The following TEX11 variants were observed in gnomAD, a reference collection of about 807,000 sequenced individuals.
TEX11 encodes testis expressed 11.
TEX11 carries 7 observed loss-of-function variants against 84.4 expected under a neutral mutation model. The observed-to-expected ratio is 0.08, with a 90% CI of 0.05 to 0.16. The LOEUF (loss-of-function observed/expected upper bound fraction) is 0.16, where lower values mean the gene tolerates loss of function less well. Among genes scored for constraint, TEX11 ranks in the 10% least tolerant of loss-of-function variants. The pLI, the probability that TEX11 is intolerant of heterozygous loss-of-function variation, is 1.00. For synonymous variants in TEX11, 264 were observed against 222.8 expected, an observed-to-expected ratio of 1.18 and a Z score of -1.64; for missense variants, 551 against 660.5, an observed-to-expected ratio of 0.83 and a Z score of 1.82.
chrX:70,836,445 T>C (rs1305934417), intron 7 of TEX11, among the ~76,000 whole-genome samples: 1 of 111,849 alleles, frequency 8.9e-6, no homozygotes, highest in Non-Finnish European at 1.9e-5. Flanking sequence ...ATCTAGAATA[T>C]ATAAATAATC....
intron 17 of TEX11, among the ~76,000 whole-genome samples, chrX:70,633,452 T>A (rs1007393523): frequency 8.9e-6 from 1 of 111,999 alleles, no homozygotes; most frequent in Non-Finnish European, 1.9e-5. Context: ...GAAGACTGAA[T>A]GCTTTCCCCC....
At chrX:70,610,049 T>C (rs2089240425) in intron 21 of TEX11, among the ~76,000 whole-genome samples, 1 of 108,126 alleles carries the variant, frequency 9.2e-6, no homozygotes, top group South Asian at 4.2e-4. Flanking sequence ...TTTTTATTTG[T>C]CTTGATCTTT....
At chrX:70,736,841 T>C (rs780215355) in intron 11 of TEX11, among the ~76,000 whole-genome samples, 1 of 111,554 alleles carries the variant, frequency 9.0e-6, no homozygotes, top group Admixed American at 9.6e-5. Context: ...AAGAAGGAAA[T>C]ATTTCATACT....
chrX:70,632,347 A>G (rs1244350071), intron 17 of TEX11, among the ~76,000 whole-genome samples: 1 of 111,457 alleles, frequency 9.0e-6, no homozygotes, highest in African/African-American at 3.3e-5. Flanking sequence ...TAAATTAAAT[A>G]GAAATCAGAT....
the TEX11 span, among the ~76,000 whole-genome samples, chrX:70,522,319 C>CAGGGTTGT: frequency 3.6e-5 from 4 of 111,966 alleles, no homozygotes; most frequent in East Asian, 1.1e-3. Flanking sequence ...ACCTACTTCA[C>CAGGGTTGT]AGGGTTGTTA....
intron 7 of TEX11, among the ~76,000 whole-genome samples, chrX:70,839,028 G>A (rs924786240): frequency 8.9e-6 from 1 of 112,707 alleles, no homozygotes; most frequent in African/African-American, 3.2e-5. Flanking sequence ...ACAGCTCAAG[G>A]AGGCCTGCCT....
At chrX:70,589,426 T>A (rs1334018534) in intron 25 of TEX11, among the ~76,000 whole-genome samples, 1 of 105,191 alleles carries the variant, frequency 9.5e-6, no homozygotes, top group Non-Finnish European at 2.0e-5. Flanking sequence ...TCTATCTCAC[T>A]ATATCTCTCT....
chrX:70,869,443 A>C (rs1055352027), intron 4 of TEX11, among the ~76,000 whole-genome samples: 1 of 111,324 alleles, frequency 9.0e-6, no homozygotes, highest in Non-Finnish European at 1.9e-5. Context: ...CATCTCCTTA[A>C]ATGTCCACAA....
chrX:70,733,557 C>T (rs1462608831), intron 11 of TEX11, among the ~76,000 whole-genome samples: 2 of 111,863 alleles, frequency 1.8e-5, no homozygotes, highest in African/African-American at 3.3e-5. Context: ...TGAAAAAATG[C>T]TCATCATCAT....
At chrX:70,522,735 G>C in the TEX11 span, among the ~76,000 whole-genome samples, 14 of 108,484 alleles carry the variant, frequency 1.3e-4, no homozygotes, top group African/African-American at 4.4e-4. Flanking sequence ...TAGAGACAGG[G>C]TTTCTCCATG....
chrX:70,898,343 G>C (rs917773011), intron 2 of TEX11, among the ~76,000 whole-genome samples: 1 of 112,290 alleles, frequency 8.9e-6, no homozygotes, highest in Non-Finnish European at 1.9e-5. Context: ...AGCAGGATAA[G>C]CTTCACTGAA....
intron 25 of TEX11, among the ~76,000 whole-genome samples, chrX:70,571,924 G>C (rs2088604896): frequency 1.8e-5 from 2 of 111,333 alleles, no homozygotes; most frequent in Admixed American, 1.9e-4. Context: ...TTCTGATCAG[G>C]AGACATTGTG....
intron 15 of TEX11, among the ~76,000 whole-genome samples, chrX:70,674,146 G>T: frequency 9.0e-6 from 1 of 111,478 alleles, no homozygotes; most frequent in South Asian, 3.8e-4. Flanking sequence ...GTGAAAACAT[G>T]CATTATTTGG....
intron 20 of TEX11, among the ~76,000 whole-genome samples, chrX:70,621,121 T>A (rs2089378507): frequency 9.0e-6 from 1 of 110,821 alleles, no homozygotes; most frequent in Admixed American, 9.7e-5. Context: ...ACTGTAGCAC[T>A]CTGGCGGGGA....
At chrX:70,748,964 A>C (rs944389593) in intron 9 of TEX11, among the ~76,000 whole-genome samples, 2 of 106,648 alleles carry the variant, frequency 1.9e-5, no homozygotes, top group African/African-American at 7.1e-5. Flanking sequence ...GAAGAAAGGC[A>C]TTGGTAGCTT....
chrX:70,791,631 CA>C (rs1357924588), intron 9 of TEX11, among the ~76,000 whole-genome samples: 1 of 111,716 alleles, frequency 9.0e-6, no homozygotes, highest in African/African-American at 3.3e-5. Flanking sequence ...TCAATGAATT[CA>C]AACAAACTGA....
Position 70,535,788 on chromosome X carries a change from A to G in TEX11, c.2521-5789T>C, listed in dbSNP as rs751355062. 3.8e-5 allele frequency among the ~76,000 whole-genome samples: 4 copies of G among 106,170 alleles called. No individual in the cohort carries two copies. The Admixed American group carries it at 4.0e-4, about 11-fold the overall frequency. The allele number at this position is 106,170 out of a possible 115,157, so 92.2% of individuals were successfully genotyped here. On this transcript the variant is annotated intron_variant, in intron 28 of 29. Coordinates refer to ENST00000374333, the MANE Select transcript of TEX11 (RefSeq NM_031276.3). The stretch of plus-strand genomic sequence containing the variant: ...AAACTTATGGGTTTTTTTTTTTTTC[A>G]TAGAGACAGAGTGTCACTTTATTGC...
At chrX:70,793,334 T>C (rs991392176) in intron 9 of TEX11, among the ~76,000 whole-genome samples, 2 of 111,350 alleles carry the variant, frequency 1.8e-5, no homozygotes, top group Non-Finnish European at 3.8e-5. Flanking sequence ...AGTACTGTGG[T>C]GTAGTTTGAA....
chrX:70,592,551 A>T (rs5936937), intron 24 of TEX11, among the ~76,000 whole-genome samples: 46,545 of 110,344 alleles, frequency 0.42, 8,239 homozygotes, highest in East Asian at 0.6. Flanking sequence ...CAAGCTCAGG[A>T]TCCTGGGTCT....
Sources: gnomAD v4.1 joint callset for allele counts (sites outside exome capture counted in the v4.1 genomes callset) on GRCh38, gnomAD v4.1.1 for gene constraint, MANE v1.5 for transcripts, NCBI Gene and HGNC (gene_info 2026-07-23, HGNC 2026-07-21) for gene names.